TDRD12: variants seen among roughly 807,000 people sequenced by gnomAD.
The protein encoded by TDRD12 is putative ATP-dependent RNA helicase TDRD12.
In TDRD12, 158 loss-of-function variants were observed where a neutral mutation model predicts 133.5. That is an observed-to-expected ratio of 1.18 (90% CI 1.04 to 1.35). TDRD12 has a LOEUF of 1.35. Among genes scored for constraint, TDRD12 ranks in the 40% most tolerant of loss-of-function variants. The pLI is 0.00. For missense variants in TDRD12, 1,443 were observed against 1,321.3 expected, an observed-to-expected ratio of 1.09 and a Z score of -1.43; for synonymous variants, 460 against 477.9, an observed-to-expected ratio of 0.96 and a Z score of 0.49.
At chr19:32,736,691 G>A (rs985856221) in intron 2 of TDRD12, among the ~76,000 whole-genome samples, 2 of 152,192 alleles carry the variant, frequency 1.3e-5, no homozygotes, top group Non-Finnish European at 2.9e-5. Context: ...TATTCCCAAG[G>A]ACAGCAATCT....
intron 2 of TDRD12, among the ~76,000 whole-genome samples, chr19:32,738,591 G>T (rs1004455853): frequency 6.6e-6 from 1 of 152,184 alleles, no homozygotes. Flanking sequence ...TGAGGCGGGC[G>T]GATCATGAGG....
At chr19:32,740,403 C>G (rs1209987389) in intron 3 of TDRD12, among the ~76,000 whole-genome samples, 1 of 146,990 alleles carries the variant, frequency 6.8e-6, no homozygotes, top group African/African-American at 2.5e-5. Flanking sequence ...CCTGGGTACT[C>G]TCTGCATCTC....
intron 8 of TDRD12, among the ~76,000 whole-genome samples, chr19:32,763,519 C>T (rs1368551591): frequency 1.3e-5 from 2 of 152,284 alleles, no homozygotes; most frequent in South Asian, 2.1e-4. Context: ...TGATAAACTC[C>T]AGTAGTTTAG....
exon 27 of TDRD12, chr19:32,818,117 C>G: frequency 1.4e-6 from 1 of 702,812 alleles, no homozygotes; most frequent in Non-Finnish European, 2.6e-6. Context: ...CAGTCCTGCT[C>G]AAGACCAGGA....
chr19:32,753,413 G>A (rs2145533735), intron 6 of TDRD12, among the ~76,000 whole-genome samples: 1 of 152,064 alleles, frequency 6.6e-6, no homozygotes, highest in Non-Finnish European at 1.5e-5. Context: ...ATGTTGTTCA[G>A]GCTGGCCTTG....
intron 3 of TDRD12, among the ~76,000 whole-genome samples, chr19:32,740,998 C>T (rs1283391019): frequency 1.3e-5 from 2 of 152,184 alleles, no homozygotes; most frequent in Non-Finnish European, 2.9e-5. Flanking sequence ...AAGAGGATGT[C>T]AGTTTAATAA....
chr19:32,719,836 G>T (rs1968562935), exon 1 of TDRD12: 6 of 582,730 alleles, frequency 1.0e-5, no homozygotes, highest in South Asian at 9.9e-5. Flanking sequence ...ATCCCGCAGC[G>T]AGGGGCTGGT....
At chr19:32,792,591 T>C (rs1171918016) in intron 13 of TDRD12, among the ~76,000 whole-genome samples, 1 of 152,094 alleles carries the variant, frequency 6.6e-6, no homozygotes, top group African/African-American at 2.4e-5. Context: ...TGAGGGTCAG[T>C]TTGAGGTCCG....
At chr19:32,747,564 T>G (rs1253847311) in intron 4 of TDRD12, among the ~76,000 whole-genome samples, 1 of 152,156 alleles carries the variant, frequency 6.6e-6, no homozygotes, top group Non-Finnish European at 1.5e-5. Flanking sequence ...TTTCCTTGCT[T>G]CCAAGTTTCT....
chr19:32,757,267 T>A, intron 8 of TDRD12, 137 bp downstream of exon 8: 1 of 719,314 alleles, frequency 1.4e-6, no homozygotes, highest in South Asian at 1.9e-5. Context: ...CAATTTGTGA[T>A]GTAGATCCTG....
chr19:32,811,096 TA>T, intron 23 of TDRD12, 113 bp from the exon 24 acceptor site: 1 of 816,518 alleles, frequency 1.2e-6, no homozygotes, highest in Non-Finnish European at 1.9e-6. Context: ...TAGTATAGAG[TA>T]AAATCATGGC....
At chr19:32,796,609 G>A (rs58932292) in intron 14 of TDRD12, among the ~76,000 whole-genome samples, 23,201 of 151,906 alleles carry the variant, frequency 0.15, 1,845 homozygotes, top group East Asian at 0.28. Flanking sequence ...AGTTGCATCT[G>A]TTATTAGCAG....
At chr19:32,721,125 G>A (rs1020094253) in intron 1 of TDRD12, among the ~76,000 whole-genome samples, 1 of 152,032 alleles carries the variant, frequency 6.6e-6, no homozygotes, top group Admixed American at 6.5e-5. Flanking sequence ...TCCGCTCACC[G>A]CGTGGGCTCT....
At chr19:32,749,742 T>C (rs1363291873) in intron 5 of TDRD12, 42 bp from the exon 6 acceptor site, 5 of 1,412,326 alleles carry the variant, frequency 3.5e-6, no homozygotes, top group Non-Finnish European at 4.9e-6. Flanking sequence ...TCAAATATAC[T>C]TTTAACATCA....
intron 1 of TDRD12, among the ~76,000 whole-genome samples, chr19:32,725,447 C>T (rs1232748550): frequency 6.6e-6 from 1 of 151,982 alleles, no homozygotes; most frequent in African/African-American, 2.4e-5. Flanking sequence ...AGCCAGTTTT[C>T]CCAGCACCAT....
chr19:32,805,027 G>A (rs2145711310), intron 21 of TDRD12, among the ~76,000 whole-genome samples: 1 of 151,744 alleles, frequency 6.6e-6, no homozygotes, highest in South Asian at 2.1e-4. Flanking sequence ...ACCAGGTATG[G>A]TGGCTCACAC....
At chr19:32,751,681 A>C (rs1969832345) in intron 6 of TDRD12, among the ~76,000 whole-genome samples, 1 of 151,692 alleles carries the variant, frequency 6.6e-6, no homozygotes, top group African/African-American at 2.4e-5. Context: ...CTGGGCTCAA[A>C]GGATCCTCCC....
Position 32,780,794 on chromosome 19 carries a change from G to GT in TDRD12, c.1121+3565_1121+3566insT, listed in dbSNP as rs1222595163. On this transcript the variant is annotated intron_variant, in intron 11 of 27. Transcript: ENST00000444215. The stretch of plus-strand genomic sequence containing the variant: ...ATTATCTTGTTTTTTTCTTTCCTTG[G>GT]GTTTTTTTTTTTTTAATGGGGTCTC... Among the ~76,000 whole-genome samples, 108 of 99,038 alleles carry GT rather than the reference G, an allele frequency of 1.1e-3. 1 individual carries two copies. In the Middle Eastern group the frequency reaches 0.036, roughly 33 times the overall value. The allele number at this position is 99,038 out of a possible 152,430, so 65.0% of individuals were successfully genotyped here.
At chr19:32,799,340 G>A (rs1179511018) in intron 16 of TDRD12, among the ~76,000 whole-genome samples, 4 of 152,146 alleles carry the variant, frequency 2.6e-5, no homozygotes, top group Admixed American at 2.6e-4. Flanking sequence ...ATGACCTGAT[G>A]TGCACTCCTG....
Sources: allele counts gnomAD v4.1 joint callset (sites outside exome capture counted in the v4.1 genomes callset), GRCh38; gene constraint gnomAD v4.1.1; transcripts MANE v1.5; gene names NCBI Gene and HGNC (gene_info 2026-07-23, HGNC 2026-07-21).